CDC42EP2: variants seen among roughly 807,000 people sequenced by gnomAD.
The protein encoded by CDC42EP2 is CDC42 effector protein 2.
A neutral mutation model predicts 7.3 loss-of-function variants in CDC42EP2; 5 were observed. The observed-to-expected ratio is 0.68, with a 90% CI of 0.36 to 1.44. The LOEUF (loss-of-function observed/expected upper bound fraction) is 1.44. Among genes scored for constraint, CDC42EP2 ranks in the 40% most tolerant of loss-of-function variants. CDC42EP2 has a pLI of 0.04. For synonymous variants in CDC42EP2, 113 were observed against 123.6 expected (o/e 0.91, Z 0.57); for missense variants, 251 against 282.6 (o/e 0.89, Z 0.80).
In CDC42EP2 at chr11:65,321,164, C is replaced by G. The variant is rs368168892; in HGVS notation, c.266C>G (p.Ala89Gly). 1.9e-6 allele frequency: 3 copies of G among 1,614,024 alleles called. No individual in the cohort carries two copies. In the African/African-American group the frequency reaches 4.0e-5, roughly 22 times the overall value. ...FDLPFQFTRT[A>G]TVCGRELPDG... is the part of the protein sequence containing the mutation. ...CTCCCCTTCCAGTTCACCCGCACCG[C>G]CACCGTGTGTGGGCGGGAGCTCCCG... is the stretch of plus-strand genomic sequence containing the variant. Residue 89 changes from alanine (A) to glycine (G), a missense_variant, in exon 2 of 2, where the codon GCC (alanine) becomes GGC (glycine). Coordinates refer to ENST00000279249, the MANE Select transcript of CDC42EP2 (RefSeq NM_006779.4). This position sits in a 1 kb window ranked among gnomAD's most constrained non-coding sequence, Gnocchi z 4.4.
rs1441595211 is a variant in CDC42EP2 at position 65,320,919 on chromosome 11, C to G, written c.21C>G (p.Ile7Met). MSTKVP[I>M]YLKRGSRKGK... ...TCACCATGTCCACCAAGGTGCCCAT[C>G]TATCTGAAGCGTGGCAGTCGCAAGG... Residue 7 changes from isoleucine (I) to methionine (M), a missense_variant, in exon 2 of 2, where the codon ATC (isoleucine) becomes ATG (methionine). Physicochemically the swap from Ile to Met is conservative, Grantham distance 10 (BLOSUM62 1). Coordinates refer to ENST00000279249, the MANE Select transcript of CDC42EP2 (RefSeq NM_006779.4). The G allele has an allele frequency of 6.2e-7, 1 of 1,604,412 alleles. No homozygotes were observed. The highest frequency in any genetic ancestry group is 1.3e-5 in the African/African-American group (1 of 74,772).
rs932624100 is a variant in CDC42EP2, at chr11:65,321,880, C to G, written c.*349C>G. Reference sequence around the variant, plus strand: ...TTTCACGTCCCTTCTGCCTCTGCCCCGTTGGATGCCCTGACTGGGGGCAGG... The same window carrying G: ...TTTCACGTCCCTTCTGCCTCTGCCCGGTTGGATGCCCTGACTGGGGGCAGG... On this transcript the variant is annotated 3_prime_UTR_variant, in exon 2 of 2. Transcript: ENST00000279249. This position sits in a 1 kb window ranked among gnomAD's most constrained non-coding sequence, Gnocchi z 4.4. 3.9e-5 allele frequency: 9 copies of G among 229,292 alleles called. No homozygotes were observed. Among genetic ancestry groups the G allele is most frequent in the Non-Finnish European group, 7.6e-5 (8 of 105,938 alleles). 14.2% of individuals were successfully genotyped at this position (229,292 alleles called of 1,614,324 possible).
chr11:65,316,344 C>T (rs1949947690), intron 1 of CDC42EP2, among the ~76,000 whole-genome samples: 1 of 152,132 alleles, frequency 6.6e-6, no homozygotes, highest in South Asian at 2.1e-4. Context: ...AGGGAGCTCC[C>T]CTCCCAGCTC....
At chr11:65,318,636 G>A (rs1375894360) in intron 1 of CDC42EP2, among the ~76,000 whole-genome samples, 1 of 151,836 alleles carries the variant, frequency 6.6e-6, no homozygotes, top group East Asian at 1.9e-4. Flanking sequence ...TGTTAGCCAG[G>A]ATGGTCTCGA....
chr11:65,319,267 C>T (rs1475958766), intron 1 of CDC42EP2, among the ~76,000 whole-genome samples: 1 of 151,446 alleles, frequency 6.6e-6, no homozygotes, highest in East Asian at 1.9e-4. Context: ...TAGCTGGGAC[C>T]ACAGGCATGA....
intron 1 of CDC42EP2, among the ~76,000 whole-genome samples, chr11:65,317,660 G>C (rs1949954134): frequency 6.6e-6 from 1 of 152,182 alleles, no homozygotes. Context: ...CCACCCTCAA[G>C]CAGAGGGAGT....
chr11:65,316,320 TC>T lies in CDC42EP2; in HGVS notation c.-356+1370del, dbSNP rs1402725554. On this transcript the variant is annotated intron_variant, in intron 1 of 1. Transcript: ENST00000279249. ...AGAGAGCTAGGATGCTCCTATCTGCTCCCCGACTGCTGCAGGGAGCTCCCCT... is the reference window on the plus strand; with the variant it reads ...AGAGAGCTAGGATGCTCCTATCTGCTCCCGACTGCTGCAGGGAGCTCCCCT... Among the ~76,000 whole-genome samples the T allele has an allele frequency of 3.3e-5, 5 of 152,228 alleles. No individual in the cohort carries two copies. In the East Asian group the frequency reaches 9.7e-4, roughly 29 times the overall value.
chr11:65,316,169 C>A (rs1049363591), intron 1 of CDC42EP2, among the ~76,000 whole-genome samples: 2 of 152,146 alleles, frequency 1.3e-5, no homozygotes, highest in African/African-American at 4.8e-5. Context: ...GATTTAAGGA[C>A]AGTCTCCTGA....
rs1468342173 is a variant in CDC42EP2, at chr11:65,321,571, A to G, written c.*40A>G. 6.4e-7 allele frequency: 1 copy of G among 1,553,300 alleles called. No homozygotes were observed. The highest frequency in any genetic ancestry group is 8.7e-7 in the Non-Finnish European group (1 of 1,145,138). On this transcript the variant is annotated 3_prime_UTR_variant, in exon 2 of 2. Transcript: ENST00000279249. The surrounding 1 kb of genome is among the most constrained non-coding windows in gnomAD (Gnocchi z 4.4). ...TAGGCTGGGGTCCCAGGTGGGGCCC[A>G]GCCAGGAGGTGGGGTGTGGACCCGG...
In CDC42EP2 at chr11:65,321,095, C is replaced by T. The variant is rs139397769; in HGVS notation, c.197C>T (p.Pro66Leu). Reference protein sequence around the residue: ...SFLQGKFHLLPGTMVEGPEED... With the variant: ...SFLQGKFHLLLGTMVEGPEED... Reference sequence around the variant, plus strand: ...CTGCAGGGCAAGTTCCACCTCCTGCCGGGGACCATGGTGGAGGGGCCTGAA... The same window carrying T: ...CTGCAGGGCAAGTTCCACCTCCTGCTGGGGACCATGGTGGAGGGGCCTGAA... The change falls in exon 2 of 2, where the codon CCG becomes CTG. Residue 66 changes from proline (P) to leucine (L), a missense_variant. Pro to Leu is a moderately conservative substitution (Grantham distance 98). Transcript: ENST00000279249. This position sits in a 1 kb window ranked among gnomAD's most constrained non-coding sequence, Gnocchi z 4.4. 2 of 1,614,124 alleles carry T rather than the reference C, an allele frequency of 1.2e-6. No individual in the cohort carries two copies. Among genetic ancestry groups the T allele is most frequent in the East Asian group, 2.2e-5 (1 of 44,874 alleles).
Position 65,319,489 on chromosome 11 carries a change from G to A in CDC42EP2, c.-355-1055G>A, listed in dbSNP as rs4149828. On this transcript the variant is annotated intron_variant, in intron 1 of 1. Coordinates refer to ENST00000279249, the MANE Select transcript of CDC42EP2 (RefSeq NM_006779.4). ...GGTGGTTGTGTTGATTAATTGAGAT[G>A]TGTCTGCAAAGAGCGCAGAAGAATT... Among the ~76,000 whole-genome samples the A allele has an allele frequency of 7.0e-3, 1,067 of 152,266 alleles. 12 individuals carry two copies. The highest frequency in any genetic ancestry group is 0.025 in the African/African-American group (1,023 of 41,542).
chr11:65,315,825 G>T lies in CDC42EP2; in HGVS notation c.-356+871G>T, dbSNP rs1949945166. On this transcript the variant is annotated intron_variant, in intron 1 of 1. Transcript: ENST00000279249. This position sits in a 1 kb window ranked among gnomAD's most constrained non-coding sequence, Gnocchi z 4.1. ...ACCCAGCGGCCGCTAGAGGGTCTCT[G>T]CATCCTCGAGGTCTAGGAGGGCGGG... 6.6e-6 allele frequency among the ~76,000 whole-genome samples: 1 copy of T among 152,220 alleles called. No homozygotes were observed. Among genetic ancestry groups the T allele is most frequent in the African/African-American group, 2.4e-5 (1 of 41,472 alleles).
intron 1 of CDC42EP2, among the ~76,000 whole-genome samples, chr11:65,316,758 G>A (rs1590920569): frequency 3.3e-5 from 5 of 152,284 alleles, no homozygotes; most frequent in Admixed American, 3.3e-4. Context: ...AATTCCTGGG[G>A]CGTGAGGGTT....
In CDC42EP2 at chr11:65,320,632, A is replaced by G; in HGVS notation, c.-267A>G. The G allele has an allele frequency of 2.1e-6, 1 of 467,480 alleles. No homozygotes were observed. The highest frequency in any genetic ancestry group is 1.9e-5 in the African/African-American group (1 of 51,486). The allele number at this position is 467,480 out of a possible 1,614,324, so 29.0% of individuals were successfully genotyped here. A position where few individuals can be genotyped will look rare whatever the true frequency, so the allele number is the denominator to read the frequency against. On this transcript the variant is annotated 5_prime_UTR_variant, in exon 2 of 2. Coordinates refer to ENST00000279249, the MANE Select transcript of CDC42EP2 (RefSeq NM_006779.4). Reference sequence around the variant, plus strand: ...ACACAGTTCCTACCTTTCTGGCTTCAATTCTTCAGAAGAGTTTGCCGTCCT... The same window carrying G: ...ACACAGTTCCTACCTTTCTGGCTTCGATTCTTCAGAAGAGTTTGCCGTCCT...
At chr11:65,320,373 A>G (rs1355147895) in intron 1 of CDC42EP2, among the ~76,000 whole-genome samples, 171 bp from the exon 2 acceptor site, 2 of 152,172 alleles carry the variant, frequency 1.3e-5, no homozygotes, top group African/African-American at 2.4e-5. Context: ...CAGGAGGCTG[A>G]GGCAGAAGAA....
chr11:65,318,264 T>C (rs1949956806), intron 1 of CDC42EP2, among the ~76,000 whole-genome samples: 1 of 146,446 alleles, frequency 6.8e-6, no homozygotes, highest in African/African-American at 2.5e-5. Context: ...CCTGGCAAAT[T>C]TTTTTTTTGA....
At position 65,321,091 on chromosome 11, in the gene CDC42EP2, C is replaced by T. The variant is rs374255697; in HGVS notation, c.193C>T (p.Leu65=). 2.5e-6 allele frequency: 4 copies of T among 1,614,088 alleles called. No individual in the cohort carries two copies. In the African/African-American group the frequency reaches 4.0e-5, roughly 16 times the overall value. Reference sequence around the variant, plus strand: ...CTTCCTGCAGGGCAAGTTCCACCTCCTGCCGGGGACCATGGTGGAGGGGCC... The same window carrying T: ...CTTCCTGCAGGGCAAGTTCCACCTCTTGCCGGGGACCATGGTGGAGGGGCC... ...ISFLQGKFHL[L]PGTMVEGPEE... The change falls in exon 2 of 2, where the codon CTG becomes TTG. Residue 65 remains leucine, a synonymous_variant. Transcript: ENST00000279249. This position sits in a 1 kb window ranked among gnomAD's most constrained non-coding sequence, Gnocchi z 4.4.
In CDC42EP2 at chr11:65,321,549, G is replaced by A; in HGVS notation, c.*18G>A. The A allele has an allele frequency of 6.3e-7, 1 of 1,575,554 alleles. No individual in the cohort carries two copies. The highest frequency in any genetic ancestry group is 8.7e-7 in the Non-Finnish European group (1 of 1,155,780). On this transcript the variant is annotated 3_prime_UTR_variant, in exon 2 of 2. Transcript: ENST00000279249. This position sits in a 1 kb window ranked among gnomAD's most constrained non-coding sequence, Gnocchi z 4.4. ...CCACATAGGACACGAGGCTGCCTAG[G>A]CTGGGGTCCCAGGTGGGGCCCAGCC...
At position 65,321,172 on chromosome 11, in the gene CDC42EP2, T is replaced by C. The variant is rs1949972575; in HGVS notation, c.274T>C (p.Cys92Arg). Residue 92 changes from cysteine (C) to arginine (R), a missense_variant, in exon 2 of 2, where the codon TGT becomes CGT. Transcript: ENST00000279249. This position sits in a 1 kb window ranked among gnomAD's most constrained non-coding sequence, Gnocchi z 4.4. ...PFQFTRTATV[C>R]GRELPDGPSP... The stretch of plus-strand genomic sequence containing the variant: ...CCAGTTCACCCGCACCGCCACCGTG[T>C]GTGGGCGGGAGCTCCCGGACGGCCC... 1 of 1,614,048 alleles carries C rather than the reference T, an allele frequency of 6.2e-7. No homozygotes were observed. The highest frequency in any genetic ancestry group is 1.3e-5 in the African/African-American group (1 of 75,006).
Sources: gnomAD v4.1 joint callset for allele counts (sites outside exome capture counted in the v4.1 genomes callset) on GRCh38, gnomAD v4.1.1 for gene constraint, Gnocchi (gnomAD v3.1) non-coding constraint, MANE v1.5 for transcripts, NCBI Gene and HGNC (gene_info 2026-07-23, HGNC 2026-07-21) for gene names.